Variants in SCAPER observed in about 807,000 individuals in gnomAD.
SCAPER encodes the protein S phase cyclin A-associated protein in the endoplasmic reticulum.
In SCAPER, 98 loss-of-function variants were observed where a neutral mutation model predicts 182.2. The observed-to-expected ratio is 0.54, with a 90% CI of 0.46 to 0.64. The LOEUF is 0.64. SCAPER is among the 30% of genes least tolerant of loss of function. The pLI, the probability that SCAPER is intolerant of heterozygous loss-of-function variation, is 0.00. For synonymous variants in SCAPER, 605 were observed against 564.6 expected (o/e 1.07, Z -1.01); for missense variants, 1,432 against 1,690.0 (o/e 0.85, Z 2.68).
chr15:76,897,475 G>A (rs916187013), intron 1 of SCAPER, among the ~76,000 whole-genome samples: 9 of 152,106 alleles, frequency 5.9e-5, no homozygotes. Flanking sequence ...GGAGGCTGAG[G>A]CGGAGAGATT....
intron 1 of SCAPER, among the ~76,000 whole-genome samples, chr15:76,891,038 C>A (rs947532032): frequency 6.6e-6 from 1 of 152,142 alleles, no homozygotes. Flanking sequence ...TAAACGTAAT[C>A]CATCAAATAA....
intron 25 of SCAPER, among the ~76,000 whole-genome samples, chr15:76,461,230 G>C (rs575898456): frequency 6.6e-6 from 1 of 152,098 alleles, no homozygotes; most frequent in South Asian, 2.1e-4. Flanking sequence ...AGAGGGTACT[G>C]ACGTTGACAT....
At chr15:76,418,420 T>A (rs1429159012) in intron 26 of SCAPER, among the ~76,000 whole-genome samples, 1 of 152,168 alleles carries the variant, frequency 6.6e-6, no homozygotes, top group African/African-American at 2.4e-5. Context: ...AGGACCCAAA[T>A]CTAGTTTGGA....
At chr15:76,809,484 G>A (rs896741489) in intron 5 of SCAPER, among the ~76,000 whole-genome samples, 3 of 151,854 alleles carry the variant, frequency 2.0e-5, no homozygotes, top group African/African-American at 7.3e-5. Flanking sequence ...TTAATATAGG[G>A]GTTAAACAGC....
intron 1 of SCAPER, among the ~76,000 whole-genome samples, chr15:76,890,780 T>C (rs559302881): frequency 6.6e-6 from 1 of 152,258 alleles, no homozygotes; most frequent in Admixed American, 6.5e-5. Context: ...ACTATTCCGA[T>C]CAATAGAAGA....
intron 8 of SCAPER, among the ~76,000 whole-genome samples, chr15:76,789,310 T>A (rs1312550118): frequency 6.6e-6 from 1 of 152,064 alleles, no homozygotes; most frequent in Non-Finnish European, 1.5e-5. Context: ...AATTATAAAA[T>A]TAAGCATTTA....
intron 20 of SCAPER, among the ~76,000 whole-genome samples, chr15:76,694,309 C>T (rs1356469492): frequency 1.3e-5 from 2 of 152,084 alleles, no homozygotes; most frequent in South Asian, 2.1e-4. Flanking sequence ...TTTTTACCTC[C>T]TTGGGTGAAT....
intron 25 of SCAPER, among the ~76,000 whole-genome samples, chr15:76,464,486 A>G (rs2049440251): frequency 6.6e-6 from 1 of 152,094 alleles, no homozygotes; most frequent in South Asian, 2.1e-4. Flanking sequence ...GCATATATGA[A>G]AAGTCAGTCC....
intron 23 of SCAPER, among the ~76,000 whole-genome samples, chr15:76,522,190 TACTA>T (rs1042872539): frequency 2.0e-5 from 3 of 152,174 alleles, no homozygotes; most frequent in Middle Eastern, 3.2e-3. Context: ...AATGCATTGT[TACTA>T]ACTTTCATTT....
chr15:76,546,647 T>C (rs2045314314), intron 23 of SCAPER, among the ~76,000 whole-genome samples: 1 of 152,060 alleles, frequency 6.6e-6, no homozygotes, highest in Non-Finnish European at 1.5e-5. Context: ...TCTCTCCCTC[T>C]CTCTCTCTCT....
chr15:76,381,262 C>A, intron 28 of SCAPER, 116 bp downstream of exon 28: 1 of 671,838 alleles, frequency 1.5e-6, no homozygotes. Flanking sequence ...TATTATAATT[C>A]CATTTATTGT....
chr15:76,524,844 A>G (rs925028456), intron 23 of SCAPER, among the ~76,000 whole-genome samples: 1 of 152,012 alleles, frequency 6.6e-6, no homozygotes, highest in African/African-American at 2.4e-5. Flanking sequence ...GGAAGATCTA[A>G]GTGACCTAAC....
At chr15:76,756,342 C>T (rs1449162082) in intron 14 of SCAPER, among the ~76,000 whole-genome samples, 1 of 151,402 alleles carries the variant, frequency 6.6e-6, no homozygotes, top group Non-Finnish European at 1.5e-5. Flanking sequence ...TTTAGAAGGC[C>T]GAGGTTAAAG....
chr15:76,731,615 T>G (rs530133759), intron 16 of SCAPER, among the ~76,000 whole-genome samples: 22 of 152,366 alleles, frequency 1.4e-4, no homozygotes, highest in African/African-American at 5.3e-4. Flanking sequence ...GTACAGCAAG[T>G]AATGATTACA....
chr15:76,439,484 TAA>T (rs1282299961), intron 25 of SCAPER, among the ~76,000 whole-genome samples: 1 of 152,238 alleles, frequency 6.6e-6, no homozygotes, highest in East Asian at 1.9e-4. Flanking sequence ...TTGCCAGAGG[TAA>T]AATAGCTCAC....
intron 20 of SCAPER, among the ~76,000 whole-genome samples, chr15:76,676,229 G>C (rs1422569910): frequency 6.6e-6 from 1 of 152,140 alleles, no homozygotes; most frequent in East Asian, 1.9e-4. Flanking sequence ...TGGGCCCTGA[G>C]CCTTGATGGC....
At chr15:76,717,142 GA>G (rs34439573) in intron 17 of SCAPER, among the ~76,000 whole-genome samples, 106,713 of 126,206 alleles carry the variant, frequency 0.85, 45,891 homozygotes, top group Admixed American at 0.93. Context: ...TGATGAAAGG[GA>G]AAAAAAAAAA....
At chr15:76,887,654 C>T (rs892756376) in intron 1 of SCAPER, among the ~76,000 whole-genome samples, 2 of 152,178 alleles carry the variant, frequency 1.3e-5, no homozygotes, top group African/African-American at 2.4e-5. Context: ...CCAGGAGGCT[C>T]GAACTAGGCA....
chr15:76,697,916 A>C (rs2058736101), intron 20 of SCAPER, among the ~76,000 whole-genome samples: 1 of 152,200 alleles, frequency 6.6e-6, no homozygotes, highest in African/African-American at 2.4e-5. Context: ...CTGGGATTAC[A>C]GGCGTGAGCC....
Sources: gnomAD v4.1 joint callset for allele counts (sites outside exome capture counted in the v4.1 genomes callset) on GRCh38, gnomAD v4.1.1 for gene constraint, MANE v1.5 for transcripts, NCBI Gene and HGNC (gene_info 2026-07-23, HGNC 2026-07-21) for gene names.